The following RHOU variants were observed in gnomAD, a reference collection of about 807,000 sequenced individuals.
RHOU encodes the protein ras homolog family member U.
A neutral mutation model predicts 12.6 loss-of-function variants in RHOU; 8 were observed. The observed-to-expected ratio is 0.64, with a 90% CI of 0.37 to 1.15. The LOEUF is 1.15. Among genes scored for constraint, RHOU ranks in the 50% most tolerant of loss-of-function variants. The pLI is 0.01. For synonymous variants in RHOU, 161 were observed against 147.4 expected, an observed-to-expected ratio of 1.09 and a Z score of -0.67; for missense variants, 258 against 347.0, an observed-to-expected ratio of 0.74 and a Z score of 2.04.
At chr1:228,726,485 T>G in the RHOU span, among the ~76,000 whole-genome samples, 1 of 152,028 alleles carries the variant, frequency 6.6e-6, no homozygotes, top group Non-Finnish European at 1.5e-5. Context: ...ATCGACATGG[T>G]GAAACCCCGT....
chr1:228,712,828 T>TAAATA, the RHOU span, among the ~76,000 whole-genome samples: 2,457 of 119,054 alleles, frequency 0.021, 40 homozygotes, highest in Admixed American at 0.057. Flanking sequence ...AATAAATAAA[T>TAAATA]AAATAAAATA....
At chr1:228,690,569 G>A in the RHOU span, among the ~76,000 whole-genome samples, 4 of 151,154 alleles carry the variant, frequency 2.6e-5, no homozygotes, top group Admixed American at 2.0e-4. Flanking sequence ...TGATCCGCCC[G>A]CCTTGGCCTC....
the RHOU span, among the ~76,000 whole-genome samples, chr1:228,725,621 A>G: frequency 2.6e-5 from 4 of 152,234 alleles, no homozygotes; most frequent in African/African-American, 9.6e-5. Context: ...TCAGATCTAG[A>G]CAGGCCTTTC....
chr1:228,660,828 G>C, the RHOU span, among the ~76,000 whole-genome samples: 1 of 151,590 alleles, frequency 6.6e-6, no homozygotes, highest in Non-Finnish European at 1.5e-5. Flanking sequence ...AGCTAGTCAG[G>C]AGGCTGAGGC....
At chr1:228,698,950 C>A in the RHOU span, among the ~76,000 whole-genome samples, 29 of 152,122 alleles carry the variant, frequency 1.9e-4, no homozygotes, top group East Asian at 5.4e-3. Context: ...ATAAGAGTGT[C>A]TTGATAGTAG....
chr1:228,701,457 C>G, the RHOU span, among the ~76,000 whole-genome samples: 1 of 152,076 alleles, frequency 6.6e-6, no homozygotes, highest in Non-Finnish European at 1.5e-5. Context: ...TGAGATGTCT[C>G]TAAAAGTGAA....
chr1:228,718,433 C>T, the RHOU span, among the ~76,000 whole-genome samples: 2 of 152,070 alleles, frequency 1.3e-5, no homozygotes, highest in African/African-American at 4.8e-5. Context: ...AATTGGGGAG[C>T]AGTTTAATTG....
the RHOU span, among the ~76,000 whole-genome samples, chr1:228,709,274 C>G: frequency 6.8e-6 from 1 of 147,276 alleles, no homozygotes; most frequent in East Asian, 2.0e-4. Context: ...AACAAGGATA[C>G]CCAGGAATTG....
At chr1:228,675,519 G>C in the RHOU span, among the ~76,000 whole-genome samples, 5 of 152,180 alleles carry the variant, frequency 3.3e-5, no homozygotes, top group Non-Finnish European at 7.3e-5. Context: ...CTCAGGCAAA[G>C]TACATACCGC....
At chr1:228,707,249 ATATATAGTGTGTGTGTGT>A in the RHOU span, among the ~76,000 whole-genome samples, 5 of 94,724 alleles carry the variant, frequency 5.3e-5, no homozygotes, top group East Asian at 2.8e-4. Context: ...ATATATATAT[ATATATAGTGTGTGTGTGT>A]GTGTGTGTGT....
the RHOU span, among the ~76,000 whole-genome samples, chr1:228,714,740 C>CTTTTTTTTTTTTTTTTT: frequency 1.2e-5 from 1 of 83,686 alleles, no homozygotes; most frequent in Non-Finnish European, 2.2e-5. Context: ...TGTTAATTAT[C>CTTTTTTTTTTTTTTTTT]TTTTTTTTTT....
At chr1:228,700,615 G>C in the RHOU span, among the ~76,000 whole-genome samples, 1 of 152,064 alleles carries the variant, frequency 6.6e-6, no homozygotes, top group Non-Finnish European at 1.5e-5. Context: ...AGAAAATTTA[G>C]TTATTTCTAA....
At chr1:228,647,226 C>T in the RHOU span, among the ~76,000 whole-genome samples, 1 of 152,160 alleles carries the variant, frequency 6.6e-6, no homozygotes, top group African/African-American at 2.4e-5. Context: ...GGATGAATTG[C>T]TTGCTTTGGA....
At chr1:228,711,552 A>G in the RHOU span, among the ~76,000 whole-genome samples, 1 of 152,142 alleles carries the variant, frequency 6.6e-6, no homozygotes, top group East Asian at 1.9e-4. Flanking sequence ...AAAACAAGCA[A>G]TGGGGAAAGG....
the RHOU span, among the ~76,000 whole-genome samples, chr1:228,704,490 A>G: frequency 1.3e-5 from 2 of 151,952 alleles, no homozygotes; most frequent in African/African-American, 4.8e-5. Context: ...TTGCCCTGTC[A>G]CCCAGGGAGT....
At chr1:228,661,525 C>T in the RHOU span, among the ~76,000 whole-genome samples, 1 of 152,176 alleles carries the variant, frequency 6.6e-6, no homozygotes, top group South Asian at 2.1e-4. Flanking sequence ...AATAACACCA[C>T]ACACCTACAA....
At chr1:228,681,344 G>A in the RHOU span, among the ~76,000 whole-genome samples, 1 of 152,156 alleles carries the variant, frequency 6.6e-6, no homozygotes, top group Admixed American at 6.5e-5. Context: ...CTGAAGAAGA[G>A]TTGGAGCCTG....
At chr1:228,663,223 A>G in the RHOU span, among the ~76,000 whole-genome samples, 2 of 152,228 alleles carry the variant, frequency 1.3e-5, no homozygotes, top group African/African-American at 4.8e-5. Flanking sequence ...TCAGAGTTGA[A>G]TAGTCTGGAC....
the RHOU span, among the ~76,000 whole-genome samples, chr1:228,681,825 G>A: frequency 7.8e-3 from 1,186 of 152,234 alleles, 14 homozygotes; most frequent in African/African-American, 0.026. Flanking sequence ...AGTAAAGGAG[G>A]CAAGTTTAAA....
Sources: gnomAD v4.1 joint callset for allele counts (sites outside exome capture counted in the v4.1 genomes callset) on GRCh38, gnomAD v4.1.1 for gene constraint, MANE v1.5 for transcripts, NCBI Gene and HGNC (gene_info 2026-07-23, HGNC 2026-07-21) for gene names.